MAML2: variants seen among roughly 807,000 people sequenced by gnomAD.
The protein encoded by MAML2 is mastermind like transcriptional coactivator 2.
Under a neutral mutation model 96.1 loss-of-function variants are expected in MAML2, and 22 were observed. The ratio of observed to expected loss-of-function variants is 0.23; its 90% CI spans 0.16 to 0.33. The LOEUF is 0.33. MAML2 is among the 10% of genes least tolerant of loss of function. The pLI, the probability that MAML2 is intolerant of heterozygous loss-of-function variation, is 1.00. For synonymous variants in MAML2, 561 were observed against 521.3 expected (o/e 1.08, Z -1.04); for missense variants, 1,367 against 1,392.4 (o/e 0.98, Z 0.29).
chr11:96,055,828 A>G (rs1859057491), intron 2 of MAML2, among the ~76,000 whole-genome samples: 1 of 152,278 alleles, frequency 6.6e-6, no homozygotes, highest in African/African-American at 2.4e-5. Flanking sequence ...TTAAAAGATC[A>G]CTTTGTCTAA....
chr11:96,285,294 T>C (rs1354481325), intron 1 of MAML2, among the ~76,000 whole-genome samples: 1 of 152,160 alleles, frequency 6.6e-6, no homozygotes, highest in Non-Finnish European at 1.5e-5. Context: ...AAATTGAAAC[T>C]GGACCCCTTC....
chr11:96,125,482 G>A (rs1433323308), intron 1 of MAML2, among the ~76,000 whole-genome samples: 1 of 152,170 alleles, frequency 6.6e-6, no homozygotes, highest in Non-Finnish European at 1.5e-5. Context: ...TTACAAAAGA[G>A]AATCCTGACA....
intron 1 of MAML2, among the ~76,000 whole-genome samples, chr11:96,240,406 C>T (rs1179975013): frequency 4.6e-5 from 7 of 151,038 alleles, no homozygotes; most frequent in East Asian, 1.9e-4. Flanking sequence ...AAAAATTAGC[C>T]GGGCGCGGTG....
intron 1 of MAML2, among the ~76,000 whole-genome samples, chr11:96,124,079 C>T (rs924824852): frequency 2.5e-4 from 29 of 115,850 alleles, no homozygotes; most frequent in African/African-American, 8.8e-4. Flanking sequence ...CAACGAGCAA[C>T]GAGCAAAACT....
chr11:96,280,438 G>A (rs1396219034), intron 1 of MAML2, among the ~76,000 whole-genome samples: 1 of 151,996 alleles, frequency 6.6e-6, no homozygotes, highest in Non-Finnish European at 1.5e-5. Flanking sequence ...CTCCTGATCT[G>A]TACAATGTCA....
rs766991159 is a variant in MAML2, at chr11:96,007,169, A to AT, written c.2140-15447dup. On this transcript the variant is annotated intron_variant, in intron 2 of 4. Coordinates refer to ENST00000524717, the MANE Select transcript of MAML2 (RefSeq NM_032427.4). ...AGGAGCGTACCACCATGTCCAGTTA[A>AT]TTTTTTTTTTTTTTTTGTATTTTAG... Among the ~76,000 whole-genome samples, 710 of 83,552 alleles carry AT rather than the reference A, an allele frequency of 8.5e-3. 13 individuals are homozygous for AT. In the East Asian group the frequency reaches 0.12, roughly 14 times the overall value. The allele number at this position is 83,552 out of a possible 152,430, so 54.8% of individuals were successfully genotyped here.
At chr11:96,077,275 CAG>C (rs1478908324) in intron 2 of MAML2, among the ~76,000 whole-genome samples, 1 of 129,952 alleles carries the variant, frequency 7.7e-6, no homozygotes, top group African/African-American at 2.9e-5. Flanking sequence ...GGCTGGAGTG[CAG>C]TGGTGCGATC....
At chr11:95,997,643 A>G (rs1318607702) in intron 2 of MAML2, among the ~76,000 whole-genome samples, 2 of 152,158 alleles carry the variant, frequency 1.3e-5, no homozygotes, top group Non-Finnish European at 2.9e-5. Context: ...GAGTTTTAGA[A>G]TCATAATCGC....
At chr11:96,172,295 G>A (rs1375652218) in intron 1 of MAML2, among the ~76,000 whole-genome samples, 1 of 152,192 alleles carries the variant, frequency 6.6e-6, no homozygotes, top group Non-Finnish European at 1.5e-5. Flanking sequence ...CATCAGCAAA[G>A]CAAAAGTGGA....
chr11:96,322,136 G>A (rs1231097570), intron 1 of MAML2, among the ~76,000 whole-genome samples: 4 of 152,150 alleles, frequency 2.6e-5, no homozygotes, highest in Non-Finnish European at 5.9e-5. Flanking sequence ...AGCCTGGAGT[G>A]CACCGCTAAT....
intron 1 of MAML2, among the ~76,000 whole-genome samples, chr11:96,286,503 A>G (rs1863142609): frequency 6.6e-6 from 1 of 152,240 alleles, no homozygotes; most frequent in African/African-American, 2.4e-5. Flanking sequence ...GAAAGGAATA[A>G]GAATCCCACT....
chr11:96,254,320 T>TA (rs1346671444), intron 1 of MAML2, among the ~76,000 whole-genome samples: 6 of 150,546 alleles, frequency 4.0e-5, no homozygotes, highest in African/African-American at 1.2e-4. Flanking sequence ...CACTCGCTTC[T>TA]AAAAAAAGCC....
intron 1 of MAML2, among the ~76,000 whole-genome samples, chr11:96,261,740 A>G (rs1862753497): frequency 6.6e-6 from 1 of 152,244 alleles, no homozygotes. Context: ...GCTCCATATT[A>G]TTCGTCTATA....
intron 2 of MAML2, among the ~76,000 whole-genome samples, chr11:96,088,539 C>T (rs1859654119): frequency 6.6e-6 from 1 of 152,152 alleles, no homozygotes; most frequent in Admixed American, 6.5e-5. Flanking sequence ...CTTGCCCTAT[C>T]CCATAATCCT....
chr11:96,207,179 T>C (rs1472364134), intron 1 of MAML2, among the ~76,000 whole-genome samples: 5 of 152,232 alleles, frequency 3.3e-5, no homozygotes, highest in African/African-American at 4.8e-5. Context: ...TCTATGGCTT[T>C]GGGGTCCTCC....
intron 1 of MAML2, among the ~76,000 whole-genome samples, chr11:96,119,039 T>C (rs1860292590): frequency 6.6e-6 from 1 of 152,170 alleles, no homozygotes; most frequent in African/African-American, 2.4e-5. Flanking sequence ...AAAAACATTT[T>C]TATGTCCATT....
intron 1 of MAML2, among the ~76,000 whole-genome samples, chr11:96,319,430 A>C (rs922192764): frequency 6.6e-6 from 1 of 152,254 alleles, no homozygotes; most frequent in Non-Finnish European, 1.5e-5. Flanking sequence ...GTTACAAAGC[A>C]ATAGATAACT....
At chr11:96,232,974 A>G (rs1199475866) in intron 1 of MAML2, among the ~76,000 whole-genome samples, 1 of 152,254 alleles carries the variant, frequency 6.6e-6, no homozygotes, top group African/African-American at 2.4e-5. Flanking sequence ...GTAAAACAAA[A>G]TAAAATAAAA....
At chr11:96,073,467 C>T (rs1859381045) in intron 2 of MAML2, among the ~76,000 whole-genome samples, 1 of 151,954 alleles carries the variant, frequency 6.6e-6, no homozygotes, top group South Asian at 2.1e-4. Flanking sequence ...ACTACAGGCG[C>T]CCGCCACCAT....
Sources: gnomAD v4.1 joint callset for allele counts (sites outside exome capture counted in the v4.1 genomes callset) on GRCh38, gnomAD v4.1.1 for gene constraint, MANE v1.5 for transcripts, NCBI Gene and HGNC (gene_info 2026-07-23, HGNC 2026-07-21) for gene names.